Variants in GRIA3 observed in about 807,000 individuals in gnomAD.
GRIA3 encodes the protein glutamate ionotropic receptor AMPA type subunit 3, also known as glutamate receptor 3.
Under a neutral mutation model 63.0 loss-of-function variants are expected in GRIA3, and 3 were observed. The observed-to-expected ratio is 0.05, with a 90% CI of 0.02 to 0.12. The LOEUF (loss-of-function observed/expected upper bound fraction) is 0.12. GRIA3 is among the 10% of genes least tolerant of loss of function. GRIA3 has a pLI of 1.00. For synonymous variants in GRIA3, 274 were observed against 257.9 expected, an observed-to-expected ratio of 1.06 and a Z score of -0.60; for missense variants, 347 against 700.9, an observed-to-expected ratio of 0.50 and a Z score of 5.70.
intron 3 of GRIA3, among the ~76,000 whole-genome samples, chrX:123,271,036 G>A (rs5911569): frequency 0.2 from 22,331 of 111,012 alleles, 1,655 homozygotes; most frequent in Non-Finnish European, 0.23. Context: ...ACAAAAATAG[G>A]AGGCAAAGGC....
intron 13 of GRIA3, among the ~76,000 whole-genome samples, chrX:123,468,794 A>C (rs760319873): frequency 2.7e-5 from 3 of 112,487 alleles, no homozygotes; most frequent in Non-Finnish European, 5.6e-5. Flanking sequence ...GTTAACATGA[A>C]AATTGACTGT....
rs1246651385 is a variant in GRIA3 at position 123,404,837 on chromosome X, G to A, written c.1423G>A (p.Val475Ile). 16 of 1,208,622 alleles carry A rather than the reference G, an allele frequency of 1.3e-5. No individual in the cohort carries two copies. The highest frequency in any genetic ancestry group is 1.8e-5 in the Non-Finnish European group (16 of 892,659). Residue 475 changes from valine to isoleucine, a missense_variant, in exon 10 of 16, where the codon GTT (valine) becomes ATT (isoleucine). Physicochemically the swap from Val to Ile is conservative, Grantham distance 29 (BLOSUM62 3). Transcript: ENST00000620443. ...AAGGATCAAATACAAATTGTCCATC[G>A]TTGGTGACGGGAAATATGGTGCAAG... ...HVRIKYKLSIVGDGKYGARDP... is the reference protein window; with the variant it reads ...HVRIKYKLSIIGDGKYGARDP...
chrX:123,290,499 AG>A (rs1467068039), intron 3 of GRIA3, among the ~76,000 whole-genome samples: 1 of 109,750 alleles, frequency 9.1e-6, no homozygotes, highest in Admixed American at 9.8e-5. Flanking sequence ...TCTATATGGG[AG>A]GGGGCACCCA....
intron 3 of GRIA3, among the ~76,000 whole-genome samples, chrX:123,271,206 C>T (rs2044519488): frequency 8.9e-6 from 1 of 111,823 alleles, no homozygotes; most frequent in South Asian, 3.7e-4. Context: ...ATGATGTCAT[C>T]TAATATGAAT....
At chrX:123,417,347 A>T in intron 10 of GRIA3, 55 bp from the exon 11 acceptor site, 2 of 1,024,681 alleles carry the variant, frequency 2.0e-6, no homozygotes, top group Non-Finnish European at 2.7e-6. Flanking sequence ...CAAATAACTG[A>T]TTAAAGACTG....
intron 12 of GRIA3, among the ~76,000 whole-genome samples, chrX:123,435,449 T>C (rs113417388): frequency 0.023 from 2,542 of 112,281 alleles, 93 homozygotes; most frequent in African/African-American, 0.077. Context: ...CATTGTGATT[T>C]GCTGAATGTC....
At chrX:123,235,748 A>G (rs972837092) in intron 2 of GRIA3, among the ~76,000 whole-genome samples, 14 of 111,197 alleles carry the variant, frequency 1.3e-4, no homozygotes, top group Non-Finnish European at 2.1e-4. Flanking sequence ...TCATGCACAC[A>G]AGAATTTTGA....
intron 10 of GRIA3, among the ~76,000 whole-genome samples, chrX:123,409,368 C>A (rs2045493635): frequency 8.9e-6 from 1 of 112,071 alleles, no homozygotes; most frequent in Non-Finnish European, 1.9e-5. Context: ...ATAAGGAAGC[C>A]AATCAGCCTC....
rs186336756 is a variant in GRIA3 at position 123,371,960 on chromosome X, G to A, written c.750+16997G>A. ...TCAAGAAATTTTTGCCCAGACCAAC[G>A]TCCGGGAGATTTTCCCCAATGTTTC... On this transcript the variant is annotated intron_variant, in intron 5 of 15. Transcript: ENST00000620443. 2.7e-4 allele frequency among the ~76,000 whole-genome samples: 30 copies of A among 111,300 alleles called. No homozygotes were observed. In the East Asian group the frequency reaches 7.9e-3, roughly 29 times the overall value.
intron 13 of GRIA3, among the ~76,000 whole-genome samples, chrX:123,474,756 C>A (rs913731250): frequency 1.1e-4 from 12 of 110,808 alleles, no homozygotes; most frequent in African/African-American, 3.9e-4. Flanking sequence ...CAATGGCATT[C>A]TTATCCTAAA....
chrX:123,388,396 C>T (rs959075380), intron 5 of GRIA3, among the ~76,000 whole-genome samples: 6 of 111,042 alleles, frequency 5.4e-5, no homozygotes, highest in Admixed American at 9.6e-5. Context: ...TAGGTGTGTG[C>T]CACCACACCC....
chrX:123,205,036 A>T (rs1927848364), intron 2 of GRIA3, among the ~76,000 whole-genome samples: 1 of 111,863 alleles, frequency 8.9e-6, no homozygotes, highest in Non-Finnish European at 1.9e-5. Flanking sequence ...AGGGTGAGAG[A>T]GATGGTGACT....
intron 3 of GRIA3, among the ~76,000 whole-genome samples, chrX:123,297,644 C>T (rs2044693967): frequency 1.8e-5 from 2 of 111,672 alleles, no homozygotes; most frequent in African/African-American, 6.5e-5. Context: ...TGGCAAAGTG[C>T]GTAGGCTCTA....
chrX:123,458,478 C>T (rs2045774556), intron 12 of GRIA3, among the ~76,000 whole-genome samples: 1 of 111,001 alleles, frequency 9.0e-6, no homozygotes, highest in African/African-American at 3.3e-5. Context: ...AAGCTACTTC[C>T]TATGCCTCCT....
In GRIA3 at chrX:123,398,733, C is replaced by A; in HGVS notation, c.1010C>A (p.Ala337Asp). The A allele has an allele frequency of 8.3e-7, 1 of 1,208,168 alleles. No individual in the cohort carries two copies. Residue 337 changes from alanine (A) to aspartate (D), a missense_variant, in exon 7 of 16, where the codon GCT becomes GAT. By Grantham distance (126) the Ala-to-Asp change is moderately radical. This residue lies in a region of GRIA3 where 65 missense variants were observed against 145.8 expected (regional missense o/e 0.45). Transcript: ENST00000620443. ...QRVDVSRRGSAGDCLANPAVP... is the reference protein window; with the variant it reads ...QRVDVSRRGSDGDCLANPAVP... ...GTAGATGTGTCCCGGAGAGGAAGTGCTGGAGACTGCTTAGCAAATCCTGCT... is the reference window on the plus strand; with the variant it reads ...GTAGATGTGTCCCGGAGAGGAAGTGATGGAGACTGCTTAGCAAATCCTGCT...
intron 2 of GRIA3, among the ~76,000 whole-genome samples, chrX:123,189,416 G>A (rs1927366016): frequency 8.9e-6 from 1 of 112,292 alleles, no homozygotes; most frequent in African/African-American, 3.2e-5. Flanking sequence ...CCCATCGTGT[G>A]GCTTTGCTGT....
At chrX:123,285,614 A>G (rs1436890666) in intron 3 of GRIA3, among the ~76,000 whole-genome samples, 1 of 101,817 alleles carries the variant, frequency 9.8e-6, no homozygotes, top group African/African-American at 3.6e-5. Context: ...CAGGGGTTGC[A>G]GTCCTAGTCT....
chrX:123,268,778 G>T (rs2044503133), intron 3 of GRIA3, among the ~76,000 whole-genome samples: 1 of 111,481 alleles, frequency 9.0e-6, no homozygotes, highest in Non-Finnish European at 1.9e-5. Flanking sequence ...AAAATCTAAA[G>T]GCTAGCCCCA....
At chrX:123,403,657 A>C in intron 9 of GRIA3, 138 bp downstream of exon 9, 1 of 527,295 alleles carries the variant, frequency 1.9e-6, no homozygotes, top group Non-Finnish European at 3.4e-6. Context: ...AAACTCTCAA[A>C]GTATCTTGCC....
Sources: allele counts gnomAD v4.1 joint callset (sites outside exome capture counted in the v4.1 genomes callset), GRCh38; gene constraint gnomAD v4.1.1; regional missense constraint gnomAD v4.1.1; transcripts MANE v1.5; gene names NCBI Gene and HGNC (gene_info 2026-07-23, HGNC 2026-07-21).